DCBLD2: variants seen among roughly 807,000 people sequenced by gnomAD.
The protein encoded by DCBLD2 is discoidin, CUB and LCCL domain-containing protein 2.
DCBLD2 carries 54 observed loss-of-function variants against 86.8 expected under a neutral mutation model. The ratio of observed to expected loss-of-function variants is 0.62; its 90% CI spans 0.50 to 0.78. The LOEUF (loss-of-function observed/expected upper bound fraction) is 0.78. DCBLD2 is among the 30% of genes least tolerant of loss of function. DCBLD2 has a pLI of 0.00. For synonymous variants in DCBLD2, 354 were observed against 341.3 expected (o/e 1.04, Z -0.41); for missense variants, 908 against 954.2 (o/e 0.95, Z 0.64).
intron 2 of DCBLD2, among the ~76,000 whole-genome samples, chr3:98,879,340 C>T (rs899681411): frequency 2.6e-5 from 4 of 152,132 alleles, no homozygotes; most frequent in Non-Finnish European, 5.9e-5. Flanking sequence ...CTAAAACAGT[C>T]ATTCTTTACC....
chr3:98,854,805 G>A (rs1942903530), intron 2 of DCBLD2, among the ~76,000 whole-genome samples: 1 of 152,122 alleles, frequency 6.6e-6, no homozygotes, highest in Non-Finnish European at 1.5e-5. Flanking sequence ...AGGGAAAAAT[G>A]TACCTTGACA....
chr3:98,887,266 C>T (rs1283194499), intron 1 of DCBLD2, among the ~76,000 whole-genome samples: 1 of 151,640 alleles, frequency 6.6e-6, no homozygotes, highest in Non-Finnish European at 1.5e-5. Context: ...AATATATCTG[C>T]GAGATCTTAA....
In DCBLD2 at chr3:98,799,256, TC is replaced by T. The variant is rs1941668975; in HGVS notation, c.*115del. On this transcript the variant is annotated 3_prime_UTR_variant, in exon 16 of 16. Transcript: ENST00000326840. ...TTCCTGTACCTCAGTCACCACATTT[TC>T]CCCAACCACTTCAGTGACAGTTATG... 8.6e-7 allele frequency: 1 copy of T among 1,164,152 alleles called. No individual in the cohort carries two copies. Among genetic ancestry groups the T allele is most frequent in the East Asian group, 2.5e-5 (1 of 40,218 alleles). 72.1% of individuals were successfully genotyped at this position (1,164,152 alleles called of 1,614,324 possible).
chr3:98,871,221 T>G (rs1332963487), intron 2 of DCBLD2, among the ~76,000 whole-genome samples: 1 of 152,278 alleles, frequency 6.6e-6, no homozygotes, highest in East Asian at 1.9e-4. Context: ...TAAGATCACA[T>G]CATCAGCAAA....
chr3:98,880,808 T>G (rs1943452077), intron 2 of DCBLD2, among the ~76,000 whole-genome samples: 1 of 152,168 alleles, frequency 6.6e-6, no homozygotes, highest in Non-Finnish European at 1.5e-5. Flanking sequence ...CACAGCAAGC[T>G]GATGAGAGTT....
chr3:98,817,627 A>T, intron 9 of DCBLD2, 142 bp downstream of exon 9: 1 of 724,688 alleles, frequency 1.4e-6, no homozygotes, highest in East Asian at 3.1e-5. Context: ...GAGTAAGGCC[A>T]ATAACACTAC....
At chr3:98,801,313 C>G in intron 14 of DCBLD2, 2 of 370,152 alleles carry the variant, frequency 5.4e-6, no homozygotes, top group African/African-American at 2.1e-5. Flanking sequence ...CCACAGAAAG[C>G]CGGTCTCCTC....
intron 2 of DCBLD2, among the ~76,000 whole-genome samples, chr3:98,866,074 G>A (rs1456306671): frequency 6.6e-6 from 1 of 152,126 alleles, no homozygotes; most frequent in Non-Finnish European, 1.5e-5. Flanking sequence ...ATTCCATGGT[G>A]TATATGTGCC....
chr3:98,829,553 G>T (rs779632303), intron 3 of DCBLD2, among the ~76,000 whole-genome samples: 2 of 152,078 alleles, frequency 1.3e-5, no homozygotes, highest in African/African-American at 4.8e-5. Context: ...TTCCTGTGAG[G>T]TTAATGGCCT....
chr3:98,853,847 A>T (rs1420150864), intron 2 of DCBLD2, among the ~76,000 whole-genome samples: 1 of 152,218 alleles, frequency 6.6e-6, no homozygotes, highest in Non-Finnish European at 1.5e-5. Flanking sequence ...AGGAATCTGC[A>T]ACTTAGAAGG....
intron 12 of DCBLD2, among the ~76,000 whole-genome samples, chr3:98,808,395 G>T (rs1941879525): frequency 6.6e-6 from 1 of 152,090 alleles, no homozygotes; most frequent in African/African-American, 2.4e-5. Context: ...GTAGAGATGT[G>T]AAATTTTCCT....
In DCBLD2 at chr3:98,901,474, C is replaced by T; in HGVS notation, c.-148G>A. On this transcript the variant is annotated 5_prime_UTR_variant, in exon 1 of 16. Coordinates refer to ENST00000326840, the MANE Select transcript of DCBLD2 (RefSeq NM_080927.4). Reference sequence around the variant, plus strand: ...ACCCCGCGCCGGGACCCTTCCGCCCCTCACCCCGCTTTCACCTACTCCTCC... The same window carrying T: ...ACCCCGCGCCGGGACCCTTCCGCCCTTCACCCCGCTTTCACCTACTCCTCC... 3 of 739,492 alleles carry T rather than the reference C, an allele frequency of 4.1e-6. No individual in the cohort carries two copies. The highest frequency in any genetic ancestry group is 5.5e-6 in the Non-Finnish European group (3 of 541,154). The allele number at this position is 739,492 out of a possible 1,614,324, so 45.8% of individuals were successfully genotyped here. A position where few individuals can be genotyped will look rare whatever the true frequency, so the allele number is the denominator to read the frequency against.
chr3:98,849,694 T>G, intron 2 of DCBLD2, 96 bp from the exon 3 acceptor site: 1 of 1,354,294 alleles, frequency 7.4e-7, no homozygotes, highest in Non-Finnish European at 1.0e-6. Flanking sequence ...TATACCAAGC[T>G]GGCTGTTAAA....
chr3:98,844,633 G>A (rs1365328306), intron 3 of DCBLD2, among the ~76,000 whole-genome samples: 2 of 152,058 alleles, frequency 1.3e-5, no homozygotes, highest in Non-Finnish European at 2.9e-5. Context: ...AAAGTGCTGG[G>A]ATTACAAGTG....
At chr3:98,829,551 A>G (rs547103512) in intron 3 of DCBLD2, among the ~76,000 whole-genome samples, 164 of 152,256 alleles carry the variant, frequency 1.1e-3, no homozygotes, top group Non-Finnish European at 1.7e-3. Context: ...TCTTCCTGTG[A>G]GGTTAATGGC....
intron 2 of DCBLD2, among the ~76,000 whole-genome samples, chr3:98,871,912 C>T (rs1279901241): frequency 2.0e-5 from 3 of 151,892 alleles, no homozygotes; most frequent in African/African-American, 2.4e-5. Flanking sequence ...CCTGGGCATT[C>T]GTTGTTGTTG....
chr3:98,820,664 A>G (rs1942103080), intron 6 of DCBLD2: 1 of 156,188 alleles, frequency 6.4e-6, no homozygotes, highest in Admixed American at 6.5e-5. Context: ...TCTGTGGCAA[A>G]TGCTTTCGAT....
rs570429993 is a variant in DCBLD2 at position 98,881,599 on chromosome 3, G to A, written c.374C>T (p.Ser125Phe). ...FGDFDIEDSD[S>F]CHFNYLRIYN... ...AATTCTCAAGTAATTAAAGTGACAA[G>A]AATCAGAATCTTCAATGTCAAAGTC... is the stretch of plus-strand genomic sequence containing the variant. Residue 125 changes from serine to phenylalanine, a missense_variant, in exon 2 of 16, where the codon TCT (serine) becomes TTT (phenylalanine). By Grantham distance (155) the Ser-to-Phe change is radical (BLOSUM62 -2). Around this residue, in one of 3 missense-constraint regions of DCBLD2, gnomAD observed 294 missense variants for 256.0 expected, o/e 1.15. Transcript: ENST00000326840. 2.5e-6 allele frequency: 4 copies of A among 1,613,850 alleles called. No homozygotes were observed. The South Asian group carries it at 4.4e-5, about 18-fold the overall frequency.
chr3:98,836,866 G>A (rs1559779775), intron 3 of DCBLD2, among the ~76,000 whole-genome samples: 1 of 63,146 alleles, frequency 1.6e-5, no homozygotes, highest in African/African-American at 6.0e-5. Context: ...CTGGCCGGGC[G>A]GGGGGCCGAC....
Sources: gnomAD v4.1 joint callset for allele counts (sites outside exome capture counted in the v4.1 genomes callset) on GRCh38, gnomAD v4.1.1 for gene constraint, gnomAD v4.1.1 regional missense constraint, MANE v1.5 for transcripts, NCBI Gene and HGNC (gene_info 2026-07-23, HGNC 2026-07-21) for gene names.